The following SLC22A25 variants were observed in gnomAD, a reference collection of about 807,000 sequenced individuals.
SLC22A25 encodes solute carrier family 22 member 25.
Under a neutral mutation model 45.9 loss-of-function variants are expected in SLC22A25, and 44 were observed. The observed-to-expected ratio is 0.96, with a 90% CI of 0.75 to 1.23. The LOEUF is 1.23. Among genes scored for constraint, SLC22A25 ranks in the 50% most tolerant of loss-of-function variants. SLC22A25 has a pLI of 0.00. For synonymous variants in SLC22A25, 283 were observed against 238.6 expected (o/e 1.19, Z -1.72); for missense variants, 800 against 666.4 (o/e 1.20, Z -2.21).
chr11:63,183,903 C>T, intron 7 of SLC22A25, 86 bp from the exon 8 acceptor site: 1 of 1,565,306 alleles, frequency 6.4e-7, no homozygotes, highest in South Asian at 1.2e-5. Context: ...CCTTTCCCCT[C>T]TAAGCTAATA....
At chr11:63,177,839 G>GTATATATATAA (rs1554969794) in intron 9 of SLC22A25, among the ~76,000 whole-genome samples, 2 of 51,768 alleles carry the variant, frequency 3.9e-5, no homozygotes, top group South Asian at 8.9e-4. Flanking sequence ...TATATAATGT[G>GTATATATATAA]TATATATATA....
At chr11:63,234,367 A>C (rs1010091205) in intron 3 of SLC22A25, among the ~76,000 whole-genome samples, 5 of 152,168 alleles carry the variant, frequency 3.3e-5, no homozygotes, top group Admixed American at 6.5e-5. Context: ...CTTCTTGTTG[A>C]ATTGATCCCT....
intron 9 of SLC22A25, among the ~76,000 whole-genome samples, chr11:63,175,280 A>G (rs1169765597): frequency 1.3e-5 from 2 of 152,026 alleles, no homozygotes; most frequent in Non-Finnish European, 2.9e-5. Context: ...TCTCTTATTT[A>G]TTTATTCAAT....
rs114875415 is a variant in SLC22A25, at chr11:63,213,885, G to A, written c.830+3429C>T. Among the ~76,000 whole-genome samples the A allele has an allele frequency of 5.9e-3, 897 of 152,336 alleles. 8 individuals carry two copies. Among genetic ancestry groups the A allele is most frequent in the African/African-American group, 0.02 (819 of 41,582 alleles). On this transcript the variant is annotated intron_variant, in intron 7 of 11. Transcript: ENST00000306494. ...TGGGGTGCGATATGCAAGGTATGTAGTAGTGATCCAACACTCGGTAGTCGA... is the reference window on the plus strand; with the variant it reads ...TGGGGTGCGATATGCAAGGTATGTAATAGTGATCCAACACTCGGTAGTCGA...
intron 8 of SLC22A25, among the ~76,000 whole-genome samples, chr11:63,182,964 T>C (rs1201027826): frequency 1.3e-5 from 2 of 152,148 alleles, no homozygotes; most frequent in Non-Finnish European, 2.9e-5. Context: ...TCCTCTCTCA[T>C]ATTAAAGTAA....
At chr11:63,226,935 C>T (rs905817369) in intron 5 of SLC22A25, among the ~76,000 whole-genome samples, 1 of 152,210 alleles carries the variant, frequency 6.6e-6, no homozygotes, top group African/African-American at 2.4e-5. Context: ...CCGCCACAGG[C>T]CCATGTGGAA....
chr11:63,190,351 T>C (rs2088757901), intron 7 of SLC22A25, among the ~76,000 whole-genome samples: 1 of 152,234 alleles, frequency 6.6e-6, no homozygotes. Context: ...TACTGAGGCT[T>C]GTGCATTCAT....
intron 5 of SLC22A25, chr11:63,217,978 A>C: frequency 3.2e-6 from 2 of 630,644 alleles, no homozygotes; most frequent in Non-Finnish European, 2.9e-6. Context: ...TCATTGATAC[A>C]AATTCAAAAC....
intron 3 of SLC22A25, among the ~76,000 whole-genome samples, chr11:63,232,626 C>T (rs1324601453): frequency 2.0e-5 from 3 of 151,952 alleles, no homozygotes; most frequent in East Asian, 3.9e-4. Flanking sequence ...TCCCTTTATT[C>T]CCTTCTCCTG....
chr11:63,203,680 G>A (rs1382716963), intron 7 of SLC22A25, among the ~76,000 whole-genome samples: 1 of 152,094 alleles, frequency 6.6e-6, no homozygotes, highest in African/African-American at 2.4e-5. Context: ...ACCTATGATT[G>A]ACTGGTGTAC....
chr11:63,179,199 C>T (rs929934444), intron 9 of SLC22A25, among the ~76,000 whole-genome samples: 9 of 152,064 alleles, frequency 5.9e-5, no homozygotes, highest in South Asian at 2.1e-4. Context: ...TCAGGTGATC[C>T]GCCTGCCTCA....
chr11:63,189,905 G>A (rs570119414), intron 7 of SLC22A25, among the ~76,000 whole-genome samples: 6 of 152,202 alleles, frequency 3.9e-5, no homozygotes, highest in Admixed American at 6.5e-5. Context: ...AGTTTCTGCC[G>A]ACAGATCAGC....
chr11:63,217,993 A>G lies in SLC22A25; in HGVS notation c.507-258T>C, dbSNP rs568443126. ...TCATTGATACAAATTCAAAACATGT[A>G]AGACAGGCTGGGATGTTGAAATGTT... On this transcript the variant is annotated intron_variant, in intron 5 of 11. Coordinates refer to ENST00000306494, the MANE Select transcript of SLC22A25 (RefSeq NM_199352.6). The G allele has an allele frequency of 7.0e-5, 43 of 615,108 alleles. No homozygotes were observed. In the East Asian group the frequency reaches 1.1e-3, roughly 16 times the overall value. 38.1% of individuals were successfully genotyped at this position (615,108 alleles called of 1,614,324 possible). A position where few individuals can be genotyped will look rare whatever the true frequency, so the allele number is the denominator to read the frequency against.
intron 7 of SLC22A25, 88 bp from the exon 8 acceptor site, chr11:63,183,905 A>G: frequency 2.6e-6 from 4 of 1,553,158 alleles, no homozygotes; most frequent in East Asian, 2.3e-5. Context: ...TTTCCCCTCT[A>G]AGCTAATACC....
At chr11:63,198,723 A>G (rs2089141678) in intron 7 of SLC22A25, among the ~76,000 whole-genome samples, 1 of 152,184 alleles carries the variant, frequency 6.6e-6, no homozygotes, top group Non-Finnish European at 1.5e-5. Context: ...ATAATAAAAA[A>G]AAGAAAAAAG....
At chr11:63,188,565 A>G (rs970184876) in intron 7 of SLC22A25, among the ~76,000 whole-genome samples, 17 of 151,910 alleles carry the variant, frequency 1.1e-4, no homozygotes, top group African/African-American at 4.1e-4. Flanking sequence ...CTCTGATCTT[A>G]GTTATTTCTT....
rs970816990 is a variant in SLC22A25, at chr11:63,158,892, C to G, written c.*4932G>C. The stretch of plus-strand genomic sequence containing the variant: ...TTCCCCCCATTAACTATTCCCACTT[C>G]CCCTGAAGCACCCAATACCCTTCTC... On this transcript the variant is annotated 3_prime_UTR_variant, in exon 12 of 12. Coordinates refer to ENST00000306494, the MANE Select transcript of SLC22A25 (RefSeq NM_199352.6). Among the ~76,000 whole-genome samples, 7 of 152,182 alleles carry G rather than the reference C, an allele frequency of 4.6e-5. No individual in the cohort carries two copies. The highest frequency in any genetic ancestry group is 3.9e-4 in the Admixed American group (6 of 15,272).
rs1000923313 is a variant in SLC22A25 at position 63,162,202 on chromosome 11, C to A, written c.*1622G>T. Among the ~76,000 whole-genome samples, 1 of 152,098 alleles carries A rather than the reference C, an allele frequency of 6.6e-6. No individual in the cohort carries two copies. Among genetic ancestry groups the A allele is most frequent in the Non-Finnish European group, 1.5e-5 (1 of 68,000 alleles). On this transcript the variant is annotated 3_prime_UTR_variant, in exon 12 of 12. Transcript: ENST00000306494. ...GAGGGGTAGTTTGCAAGTATTTTCTCCCATTCTGTGGGTTGCCTCTTTACT... is the reference window on the plus strand; with the variant it reads ...GAGGGGTAGTTTGCAAGTATTTTCTACCATTCTGTGGGTTGCCTCTTTACT...
At chr11:63,230,687 C>A (rs1206137856) in intron 3 of SLC22A25, among the ~76,000 whole-genome samples, 2 of 152,166 alleles carry the variant, frequency 1.3e-5, no homozygotes, top group Non-Finnish European at 2.9e-5. Context: ...ATCTAGGGTA[C>A]ATGTGCACAA....
Sources: allele counts gnomAD v4.1 joint callset (sites outside exome capture counted in the v4.1 genomes callset), GRCh38; gene constraint gnomAD v4.1.1; transcripts MANE v1.5; gene names NCBI Gene and HGNC (gene_info 2026-07-23, HGNC 2026-07-21).